The following MALRD1 variants were observed in gnomAD, a reference collection of about 807,000 sequenced individuals.
The protein encoded by MALRD1 is MAM and LDL-receptor class A domain-containing protein 1.
Under a neutral mutation model 242.1 loss-of-function variants are expected in MALRD1, and 247 were observed. The ratio of observed to expected loss-of-function variants is 1.02; its 90% CI spans 0.92 to 1.13. MALRD1 has a LOEUF of 1.13. Ranked by LOEUF, MALRD1 falls within the 50% of genes most tolerant of loss-of-function variation. The pLI is 0.00. For synonymous variants in MALRD1, 995 were observed against 866.6 expected (o/e 1.15, Z -2.60); for missense variants, 2,989 against 2,533.1 (o/e 1.18, Z -3.86).
At chr10:19,476,823 G>T (rs1316961046) in intron 29 of MALRD1, among the ~76,000 whole-genome samples, 1 of 152,088 alleles carries the variant, frequency 6.6e-6, no homozygotes, top group Non-Finnish European at 1.5e-5. Context: ...GAACATAGAA[G>T]ATTCGTGAGT....
intron 36 of MALRD1, among the ~76,000 whole-genome samples, chr10:19,661,009 A>T (rs1157611893): frequency 6.6e-6 from 1 of 152,200 alleles, no homozygotes; most frequent in Non-Finnish European, 1.5e-5. Flanking sequence ...GAAGACATTT[A>T]TGCAGCCAAC....
intron 16 of MALRD1, 67 bp downstream of exon 16, chr10:19,204,480 A>G: frequency 1.9e-6 from 2 of 1,040,312 alleles, no homozygotes; most frequent in Non-Finnish European, 2.8e-6. Context: ...GTTTGCAGGC[A>G]TACCTCTGCA....
At chr10:19,126,727 T>G (rs1289732454) in intron 7 of MALRD1, among the ~76,000 whole-genome samples, 7 of 152,182 alleles carry the variant, frequency 4.6e-5, no homozygotes, top group African/African-American at 1.4e-4. Context: ...TTTTATTTTT[T>G]GGGGGTAGCA....
chr10:19,232,401 T>C (rs2131700660), intron 18 of MALRD1, among the ~76,000 whole-genome samples: 1 of 151,886 alleles, frequency 6.6e-6, no homozygotes, highest in South Asian at 2.1e-4. Context: ...CAGTCTCCAA[T>C]TCCTGACTTC....
Position 19,449,258 on chromosome 10 carries a change from C to T in MALRD1, c.4846-1049C>T, listed in dbSNP as rs11010001. 7.9e-3 allele frequency among the ~76,000 whole-genome samples: 1,199 copies of T among 152,226 alleles called. 12 individuals carry two copies. Among genetic ancestry groups the T allele is most frequent in the African/African-American group, 0.026 (1,080 of 41,508 alleles). On this transcript the variant is annotated intron_variant, in intron 28 of 39. Transcript: ENST00000454679. Reference sequence around the variant, plus strand: ...GTGGCGCGATCTCAGCTCACTGCAACGCCTGCCTCCTGGGTTCAAGTGATT... The same window carrying T: ...GTGGCGCGATCTCAGCTCACTGCAATGCCTGCCTCCTGGGTTCAAGTGATT...
At chr10:19,457,525 C>A (rs1046250821) in intron 29 of MALRD1, among the ~76,000 whole-genome samples, 2 of 151,944 alleles carry the variant, frequency 1.3e-5, no homozygotes, top group Non-Finnish European at 2.9e-5. Context: ...TGGCAAAGCC[C>A]GCCCTGGGTT....
At chr10:19,508,979 G>T (rs1833273598) in intron 31 of MALRD1, among the ~76,000 whole-genome samples, 1 of 152,118 alleles carries the variant, frequency 6.6e-6, no homozygotes, top group African/African-American at 2.4e-5. Context: ...GGCAAAGATG[G>T]TCTATTTGAC....
chr10:19,405,325 T>A lies in MALRD1; in HGVS notation c.4845+15716T>A, dbSNP rs140809432. On this transcript the variant is annotated intron_variant, in intron 28 of 39. Coordinates refer to ENST00000454679, the MANE Select transcript of MALRD1 (RefSeq NM_001142308.3). ...CCTCTTTGAAGTCCCACCATTCTCT[T>A]GTATTTTTGAGATTATTTTTATATC... Among the ~76,000 whole-genome samples, 127 of 152,272 alleles carry A rather than the reference T, an allele frequency of 8.3e-4. 2 individuals are homozygous for A. In the East Asian group the frequency reaches 0.023, roughly 27 times the overall value.
At chr10:19,621,188 A>T (rs75355141) in intron 36 of MALRD1, among the ~76,000 whole-genome samples, 6,490 of 151,638 alleles carry the variant, frequency 0.043, 421 homozygotes, top group African/African-American at 0.14. Context: ...CACCCAAAAA[A>T]CAACAAAGAA....
At chr10:19,149,370 A>G (rs1833856401) in intron 11 of MALRD1, among the ~76,000 whole-genome samples, 1 of 151,910 alleles carries the variant, frequency 6.6e-6, no homozygotes, top group African/African-American at 2.4e-5. Flanking sequence ...TTTTGTGTGT[A>G]TGTGTGTAAT....
At chr10:19,372,832 T>C (rs561547458) in intron 26 of MALRD1, among the ~76,000 whole-genome samples, 1 of 152,190 alleles carries the variant, frequency 6.6e-6, no homozygotes, top group South Asian at 2.1e-4. Flanking sequence ...AAAGGTAAAT[T>C]TAACTGGATA....
intron 24 of MALRD1, among the ~76,000 whole-genome samples, chr10:19,338,280 T>G (rs1843696450): frequency 6.6e-6 from 1 of 152,110 alleles, no homozygotes; most frequent in African/African-American, 2.4e-5. Flanking sequence ...CATAGTATCC[T>G]TACAGAGTCG....
At chr10:19,492,471 G>A (rs931630294) in intron 30 of MALRD1, among the ~76,000 whole-genome samples, 1 of 152,128 alleles carries the variant, frequency 6.6e-6, no homozygotes, top group East Asian at 1.9e-4. Flanking sequence ...AACTGATAGG[G>A]TGGAACTAGA....
At chr10:19,156,143 G>A (rs770881449) in intron 12 of MALRD1, among the ~76,000 whole-genome samples, 2 of 152,116 alleles carry the variant, frequency 1.3e-5, no homozygotes, top group African/African-American at 2.4e-5. Context: ...CAGTTTACTC[G>A]GGCATTCCTG....
intron 8 of MALRD1, among the ~76,000 whole-genome samples, chr10:19,129,515 A>G (rs1837386428): frequency 6.6e-6 from 1 of 151,968 alleles, no homozygotes; most frequent in Admixed American, 6.6e-5. Flanking sequence ...GATTTGTCAC[A>G]TAGGTATGAT....
rs990009728 is a variant in MALRD1 at position 19,272,423 on chromosome 10, A to G, written c.3080-7624A>G. ...AAACTATAATCCAATTGGAAAAAGA[A>G]TAGGAGATATGAACCATCAGTTATA... On this transcript the variant is annotated intron_variant, in intron 19 of 39. Coordinates refer to ENST00000454679, the MANE Select transcript of MALRD1 (RefSeq NM_001142308.3). Among the ~76,000 whole-genome samples the G allele has an allele frequency of 7.9e-5, 12 of 152,312 alleles. No homozygotes were observed. In the South Asian group the frequency reaches 1.5e-3, roughly 18 times the overall value.
intron 8 of MALRD1, among the ~76,000 whole-genome samples, chr10:19,133,419 A>G (rs1187961048): frequency 2.0e-5 from 3 of 152,230 alleles, no homozygotes; most frequent in African/African-American, 7.2e-5. Context: ...GAAATTGTGC[A>G]GAAAATGCAT....
intron 29 of MALRD1, among the ~76,000 whole-genome samples, chr10:19,468,116 A>C (rs1226572744): frequency 6.6e-6 from 1 of 152,098 alleles, no homozygotes; most frequent in Non-Finnish European, 1.5e-5. Flanking sequence ...AACAAAAAAA[A>C]AATCTATTGT....
intron 26 of MALRD1, among the ~76,000 whole-genome samples, chr10:19,357,254 C>T (rs1357001226): frequency 6.6e-6 from 1 of 152,114 alleles, no homozygotes; most frequent in Non-Finnish European, 1.5e-5. Context: ...AACACAGTTT[C>T]CTCTTCTATA....
Sources: allele counts gnomAD v4.1 joint callset (sites outside exome capture counted in the v4.1 genomes callset), GRCh38; gene constraint gnomAD v4.1.1; transcripts MANE v1.5; gene names NCBI Gene and HGNC (gene_info 2026-07-23, HGNC 2026-07-21).